The following SNX13 variants were observed in gnomAD, a reference collection of about 807,000 sequenced individuals.
SNX13 encodes the protein sorting nexin-13.
Under a neutral mutation model 133.6 loss-of-function variants are expected in SNX13, and 45 were observed. That is an observed-to-expected ratio of 0.34 (90% confidence interval 0.27 to 0.43). The LOEUF (loss-of-function observed/expected upper bound fraction) is 0.43. Among genes scored for constraint, SNX13 ranks in the 20% least tolerant of loss-of-function variants. SNX13 has a pLI of 1.00. For missense variants in SNX13, 1,032 were observed against 1,145.1 expected (o/e 0.90, Z 1.43); for synonymous variants, 414 against 373.9 (o/e 1.11, Z -1.24).
intron 9 of SNX13, among the ~76,000 whole-genome samples, chr7:17,860,774 A>G (rs1792578022): frequency 6.6e-6 from 1 of 152,194 alleles, no homozygotes; most frequent in African/African-American, 2.4e-5. Flanking sequence ...GAGTATGCAC[A>G]TGAGAACTTA....
intron 20 of SNX13, among the ~76,000 whole-genome samples, chr7:17,814,153 A>C (rs1007676565): frequency 6.6e-6 from 1 of 152,158 alleles, no homozygotes; most frequent in Non-Finnish European, 1.5e-5. Flanking sequence ...TTTTCCAGGC[A>C]CTGTAATATA....
chr7:17,900,461 G>GT (rs1797699557), intron 1 of SNX13, among the ~76,000 whole-genome samples: 1 of 152,192 alleles, frequency 6.6e-6, no homozygotes, highest in African/African-American at 2.4e-5. Flanking sequence ...GGGTCTGGAG[G>GT]TGGAAACCTC....
chr7:17,935,334 C>G (rs1441125381), intron 1 of SNX13, among the ~76,000 whole-genome samples: 1 of 152,164 alleles, frequency 6.6e-6, no homozygotes, highest in Non-Finnish European at 1.5e-5. Flanking sequence ...CAGAAGTAGA[C>G]AGCAGAATGA....
chr7:17,875,708 C>A lies in SNX13; in HGVS notation c.523G>T (p.Ala175Ser), dbSNP rs772449692. The stretch of plus-strand genomic sequence containing the variant: ...TCTTTCTCTGTTATTTTCTGTTGAG[C>A]CTTTCTGAATACTCGTAAGTGTGTG... ...FGTHLRVFRK[A>S]QQKITEKDDQ... Residue 175 changes from alanine to serine, a missense_variant, in exon 6 of 26, where the codon GCT becomes TCT. Coordinates refer to ENST00000428135, the MANE Select transcript of SNX13 (RefSeq NM_015132.5). 1.9e-6 allele frequency: 3 copies of A among 1,611,692 alleles called. No homozygotes were observed. The highest frequency in any genetic ancestry group is 1.7e-6 in the Non-Finnish European group (2 of 1,178,696).
intron 13 of SNX13, 59 bp downstream of exon 13, chr7:17,839,748 T>C: frequency 1.4e-6 from 2 of 1,415,240 alleles, no homozygotes; most frequent in South Asian, 1.5e-5. Flanking sequence ...AGCAATGGAT[T>C]ACAAAAATTA....
chr7:17,809,853 C>T (rs911277982), intron 20 of SNX13, among the ~76,000 whole-genome samples: 3 of 152,272 alleles, frequency 2.0e-5, no homozygotes, highest in African/African-American at 7.2e-5. Flanking sequence ...AACTGAACAA[C>T]CTGCTCTGGA....
At chr7:17,905,109 T>A (rs771522579) in intron 1 of SNX13, among the ~76,000 whole-genome samples, 1 of 152,224 alleles carries the variant, frequency 6.6e-6, no homozygotes, top group Non-Finnish European at 1.5e-5. Context: ...GATACAATGC[T>A]ATATACTCCT....
chr7:17,885,263 T>G (rs1317296390), intron 5 of SNX13, among the ~76,000 whole-genome samples: 1 of 130,688 alleles, frequency 7.7e-6, no homozygotes, highest in Non-Finnish European at 1.6e-5. Context: ...ATTTCATTCA[T>G]ATAAAATGCT....
rs1787482629 is a variant in SNX13 at position 17,823,070 on chromosome 7, G to T, written c.1706-1422C>A. On this transcript the variant is annotated intron_variant, in intron 17 of 25. Coordinates refer to ENST00000428135, the MANE Select transcript of SNX13 (RefSeq NM_015132.5). Reference sequence around the variant, plus strand: ...CTTTGTTCCAGCATCCCATGGCCTTGGCCCATCCTGCCTCTTCTAAATTTG... The same window carrying T: ...CTTTGTTCCAGCATCCCATGGCCTTTGCCCATCCTGCCTCTTCTAAATTTG... Among the ~76,000 whole-genome samples, 4 of 152,106 alleles carry T rather than the reference G, an allele frequency of 2.6e-5. 1 individual carries two copies. The South Asian group carries it at 6.2e-4, about 24-fold the overall frequency.
chr7:17,884,219 A>G (rs1795708622), intron 5 of SNX13, among the ~76,000 whole-genome samples: 2 of 152,248 alleles, frequency 1.3e-5, no homozygotes, highest in Non-Finnish European at 2.9e-5. Context: ...CAGCTAAGAC[A>G]TTAAAAGGAA....
chr7:17,842,318 T>C (rs961964590), intron 12 of SNX13, among the ~76,000 whole-genome samples: 2 of 152,056 alleles, frequency 1.3e-5, no homozygotes. Flanking sequence ...ATATTCAAAG[T>C]GCTAAAAGAA....
rs1796840293 is a variant in SNX13, at chr7:17,893,340, C to A, written c.220G>T (p.Val74Phe). 8.9e-6 allele frequency: 14 copies of A among 1,569,204 alleles called. No homozygotes were observed. The highest frequency in any genetic ancestry group is 1.2e-5 in the Non-Finnish European group (14 of 1,154,744). The change falls in exon 3 of 26, where the codon GTT becomes TTT. Residue 74 changes from valine to phenylalanine, a missense_variant. Transcript: ENST00000428135. ...TCCCTCAAACGATTTACCTTAGGAA[C>A]CCCAGGTGATGTTGGAGGAAGAAAT... ...HSFLPPTSPGVPKCLEEMKRE... is the reference protein window; with the variant it reads ...HSFLPPTSPGFPKCLEEMKRE...
At chr7:17,844,326 A>C (rs1337919726) in intron 12 of SNX13, among the ~76,000 whole-genome samples, 1 of 152,060 alleles carries the variant, frequency 6.6e-6, no homozygotes, top group Non-Finnish European at 1.5e-5. Context: ...AATTCCTAGA[A>C]ACAGAAAATC....
intron 1 of SNX13, among the ~76,000 whole-genome samples, chr7:17,915,919 T>G (rs1252728745): frequency 2.6e-5 from 4 of 152,166 alleles, no homozygotes; most frequent in African/African-American, 9.7e-5. Flanking sequence ...AAAGCAAGTT[T>G]CAACAAATTC....
At position 17,933,295 on chromosome 7, in the gene SNX13, G is replaced by C. The variant is rs1185596224; in HGVS notation, c.12+6989C>G. ...CCAGTGGCTCATGCCTGTAATCCCA[G>C]CACTTTGGGAGGCCGAGGCGGGCGG... On this transcript the variant is annotated intron_variant, in intron 1 of 25. Transcript: ENST00000428135. 1.2e-4 allele frequency among the ~76,000 whole-genome samples: 18 copies of C among 152,120 alleles called. 1 individual carries two copies. In the East Asian group the frequency reaches 3.5e-3, roughly 29 times the overall value.
At chr7:17,819,768 A>G (rs944046241) in intron 18 of SNX13, among the ~76,000 whole-genome samples, 1 of 152,188 alleles carries the variant, frequency 6.6e-6, no homozygotes, top group Non-Finnish European at 1.5e-5. Flanking sequence ...CAGATACTTA[A>G]TATTTTACTA....
At chr7:17,844,940 C>A (rs1259696375) in intron 12 of SNX13, among the ~76,000 whole-genome samples, 1 of 152,006 alleles carries the variant, frequency 6.6e-6, no homozygotes, top group Non-Finnish European at 1.5e-5. Context: ...GAATAATATA[C>A]TCAATGATGA....
chr7:17,814,604 T>A (rs547262238), intron 20 of SNX13, among the ~76,000 whole-genome samples: 1 of 152,234 alleles, frequency 6.6e-6, no homozygotes, highest in Admixed American at 6.5e-5. Context: ...AATGTACCAT[T>A]TCAAATTTTT....
chr7:17,850,821 C>T lies in SNX13; in HGVS notation c.976+5G>A. The T allele has an allele frequency of 6.4e-7, 1 of 1,560,216 alleles. No individual in the cohort carries two copies. The highest frequency in any genetic ancestry group is 8.6e-7 in the Non-Finnish European group (1 of 1,161,480). ...AATATATCTTAAATTAAATACATTA[C>T]TTACCATCACCAGCTGTATCTAGAG... On this transcript the variant is annotated splice_donor_5th_base_variant and intron_variant, in intron 10 of 25. Transcript: ENST00000428135.
Sources: gnomAD v4.1 joint callset for allele counts (sites outside exome capture counted in the v4.1 genomes callset) on GRCh38, gnomAD v4.1.1 for gene constraint, MANE v1.5 for transcripts, NCBI Gene and HGNC (gene_info 2026-07-23, HGNC 2026-07-21) for gene names.